The following DGKB variants were observed in gnomAD, a reference collection of about 807,000 sequenced individuals.
The protein encoded by DGKB is diacylglycerol kinase beta, also known as 90 kDa diacylglycerol kinase.
Under a neutral mutation model 114.3 loss-of-function variants are expected in DGKB, and 67 were observed. The ratio of observed to expected loss-of-function variants is 0.59; its 90% CI spans 0.48 to 0.72. The LOEUF (loss-of-function observed/expected upper bound fraction) is 0.72, where lower values mean the gene tolerates loss of function less well. Ranked by LOEUF, DGKB falls within the 30% of genes least tolerant of loss-of-function variation. The probability of loss-of-function intolerance (pLI) is 0.00; values close to 1 mark genes in which losing one functional copy is unlikely to be tolerated. For missense variants in DGKB, 907 were observed against 975.2 expected (o/e 0.93, Z 0.93); for synonymous variants, 398 against 323.1 (o/e 1.23, Z -2.49).
chr7:14,387,425 A>G (rs1196890794), intron 21 of DGKB, among the ~76,000 whole-genome samples: 1 of 151,800 alleles, frequency 6.6e-6, no homozygotes, highest in Non-Finnish European at 1.5e-5. Flanking sequence ...AAAAAAAAAA[A>G]AAAAAAAGAC....
At chr7:14,869,503 T>C (rs1852157621) in intron 1 of DGKB, among the ~76,000 whole-genome samples, 1 of 152,286 alleles carries the variant, frequency 6.6e-6, no homozygotes, top group South Asian at 2.1e-4. Flanking sequence ...ACTCATGTGC[T>C]ATCATGGTAT....
intron 18 of DGKB, 78 bp from the exon 19 acceptor site, chr7:14,581,029 G>A: frequency 1.1e-6 from 1 of 935,382 alleles, no homozygotes; most frequent in East Asian, 2.7e-5. Flanking sequence ...ATAGCCTGAT[G>A]ACATTAAATG....
intron 23 of DGKB, among the ~76,000 whole-genome samples, chr7:14,201,054 A>G (rs776705337): frequency 2.0e-5 from 3 of 152,020 alleles, no homozygotes; most frequent in African/African-American, 4.8e-5. Context: ...ACACAAAAAT[A>G]CCATAAACTG....
At chr7:14,863,128 C>A (rs7788886) in intron 1 of DGKB, among the ~76,000 whole-genome samples, 53,199 of 147,934 alleles carry the variant, frequency 0.36, 10,127 homozygotes, top group East Asian at 0.64. Context: ...TGGTAAAGTG[C>A]CAAACCATTT....
intron 21 of DGKB, among the ~76,000 whole-genome samples, chr7:14,412,845 A>G (rs12539016): frequency 0.75 from 114,160 of 151,732 alleles, 43,549 homozygotes; most frequent in Middle Eastern, 0.83. Context: ...AGAAGGCGTG[A>G]TGGTGCGTGC....
rs192031095 is a variant in DGKB, at chr7:14,556,366, T to C, written c.1770+17846A>G. ...ATTACATTGCTTTACTAGTTTCATT[T>C]CTAGTTGATGAATATTTATTACATA... On this transcript the variant is annotated intron_variant, in intron 20 of 25. Transcript: ENST00000402815. Among the ~76,000 whole-genome samples the C allele has an allele frequency of 2.0e-4, 30 of 152,254 alleles. No homozygotes were observed. In the East Asian group the frequency reaches 5.8e-3, roughly 29 times the overall value.
chr7:14,219,629 G>T (rs1049780842), intron 23 of DGKB, among the ~76,000 whole-genome samples: 8 of 151,624 alleles, frequency 5.3e-5, no homozygotes, highest in African/African-American at 1.5e-4. Context: ...CTGTAATTGG[G>T]CTATTTATTT....
At chr7:14,171,602 T>C (rs909063773) in intron 25 of DGKB, among the ~76,000 whole-genome samples, 4 of 152,220 alleles carry the variant, frequency 2.6e-5, no homozygotes, top group Non-Finnish European at 5.9e-5. Context: ...TCTTTTGAGA[T>C]TGAGAAAGAA....
At chr7:14,351,408 G>T (rs1209411583) in intron 21 of DGKB, among the ~76,000 whole-genome samples, 1 of 152,196 alleles carries the variant, frequency 6.6e-6, no homozygotes, top group Non-Finnish European at 1.5e-5. Flanking sequence ...TGTTGGCAGG[G>T]CACAGGGAGC....
chr7:14,203,984 G>A (rs541726965), intron 23 of DGKB, among the ~76,000 whole-genome samples: 9 of 151,940 alleles, frequency 5.9e-5, no homozygotes, highest in South Asian at 4.2e-4. Flanking sequence ...CTCCCCCAGC[G>A]AATTAATTGC....
chr7:14,665,623 G>C (rs1339272567), intron 13 of DGKB, among the ~76,000 whole-genome samples: 1 of 151,912 alleles, frequency 6.6e-6, no homozygotes, highest in African/African-American at 2.4e-5. Context: ...AATGATTTTT[G>C]TGATAATCTG....
chr7:14,406,518 C>T (rs1823955171), intron 21 of DGKB, among the ~76,000 whole-genome samples: 1 of 152,020 alleles, frequency 6.6e-6, no homozygotes, highest in South Asian at 2.1e-4. Context: ...CACGACAGCA[C>T]TTACAGGCTC....
intron 21 of DGKB, among the ~76,000 whole-genome samples, chr7:14,348,340 G>T: frequency 6.6e-6 from 1 of 151,976 alleles, no homozygotes; most frequent in Non-Finnish European, 1.5e-5. Context: ...TTATCACTGA[G>T]TAGTAGTACA....
chr7:14,628,377 T>G (rs2128836186), intron 14 of DGKB, among the ~76,000 whole-genome samples: 1 of 151,640 alleles, frequency 6.6e-6, no homozygotes, highest in South Asian at 2.1e-4. Flanking sequence ...CTGTGCAAGC[T>G]TTGGGTATTA....
chr7:14,692,160 T>A (rs1170221810), intron 9 of DGKB, among the ~76,000 whole-genome samples: 1 of 151,864 alleles, frequency 6.6e-6, no homozygotes, highest in Non-Finnish European at 1.5e-5. Context: ...ATAAATAATA[T>A]ATCAGCAGTA....
At chr7:14,701,634 A>G (rs1467605296) in intron 7 of DGKB, 47 bp downstream of exon 7, 2 of 1,380,790 alleles carry the variant, frequency 1.4e-6, no homozygotes, top group Admixed American at 1.7e-5. Flanking sequence ...CATTCTTCAG[A>G]AGAAAATCTT....
At chr7:14,290,369 A>G (rs1801571514) in intron 23 of DGKB, among the ~76,000 whole-genome samples, 1 of 152,092 alleles carries the variant, frequency 6.6e-6, no homozygotes, top group Non-Finnish European at 1.5e-5. Flanking sequence ...TATAGCCTGA[A>G]AGCCTATAAA....
intron 20 of DGKB, among the ~76,000 whole-genome samples, chr7:14,531,930 G>A (rs879427614): frequency 6.6e-6 from 1 of 150,528 alleles, no homozygotes; most frequent in Non-Finnish European, 1.5e-5. Flanking sequence ...GAAAATAATA[G>A]AACTTTTATC....
intron 23 of DGKB, among the ~76,000 whole-genome samples, chr7:14,287,197 A>T (rs939501815): frequency 6.6e-6 from 1 of 152,128 alleles, no homozygotes; most frequent in East Asian, 1.9e-4. Flanking sequence ...AACATAACAG[A>T]ATAAAATTTA....
Sources: allele counts gnomAD v4.1 joint callset (sites outside exome capture counted in the v4.1 genomes callset), GRCh38; gene constraint gnomAD v4.1.1; transcripts MANE v1.5; gene names NCBI Gene and HGNC (gene_info 2026-07-23, HGNC 2026-07-21).